LUZP2: variants seen among roughly 807,000 people sequenced by gnomAD.
The protein encoded by LUZP2 is leucine zipper protein 2.
In LUZP2, 52 loss-of-function variants were observed where a neutral mutation model predicts 51.6. That is an observed-to-expected ratio of 1.01 (90% CI 0.81 to 1.27). The LOEUF (loss-of-function observed/expected upper bound fraction) is 1.27, where lower values mean the gene tolerates loss of function less well. Among genes scored for constraint, LUZP2 ranks in the 50% most tolerant of loss-of-function variants. The pLI is 0.00. For missense variants in LUZP2, 436 were observed against 395.4 expected, an observed-to-expected ratio of 1.10 and a Z score of -0.87; for synonymous variants, 154 against 137.3, an observed-to-expected ratio of 1.12 and a Z score of -0.85.
intron 7 of LUZP2, among the ~76,000 whole-genome samples, chr11:24,974,637 T>A (rs1855835005): frequency 6.6e-6 from 1 of 152,112 alleles, no homozygotes; most frequent in South Asian, 2.1e-4. Flanking sequence ...TTTGGGTTTC[T>A]GTTTCACAAG....
chr11:24,542,710 A>G lies in LUZP2; in HGVS notation c.62+45405A>G, dbSNP rs1362306642. On this transcript the variant is annotated intron_variant, in intron 1 of 11. Coordinates refer to ENST00000336930, the MANE Select transcript of LUZP2 (RefSeq NM_001009909.4). The stretch of plus-strand genomic sequence containing the variant: ...TGGCAGTATGCTAGTTTGCTAGTTT[A>G]ACAATAAATGATAATCACTTTTATT... Among the ~76,000 whole-genome samples, 4 of 149,704 alleles carry G rather than the reference A, an allele frequency of 2.7e-5. No homozygotes were observed. The Admixed American group carries it at 2.7e-4, about 10-fold the overall frequency.
intron 4 of LUZP2, among the ~76,000 whole-genome samples, chr11:24,740,713 T>C (rs892870086): frequency 6.6e-6 from 1 of 152,156 alleles, no homozygotes; most frequent in Non-Finnish European, 1.5e-5. Flanking sequence ...TAGTTGATAG[T>C]AGACATTAAA....
chr11:24,802,367 A>G (rs745649904), intron 5 of LUZP2, among the ~76,000 whole-genome samples: 3 of 151,986 alleles, frequency 2.0e-5, no homozygotes, highest in Non-Finnish European at 2.9e-5. Flanking sequence ...AGATACTGCC[A>G]TGAAGAACAT....
At chr11:24,579,786 C>G (rs1163550109) in intron 1 of LUZP2, among the ~76,000 whole-genome samples, 1 of 152,018 alleles carries the variant, frequency 6.6e-6, no homozygotes, top group Non-Finnish European at 1.5e-5. Context: ...AAAAAATTAT[C>G]AAATCATACA....
chr11:25,001,882 C>T (rs530686572), intron 9 of LUZP2, among the ~76,000 whole-genome samples: 39 of 152,018 alleles, frequency 2.6e-4, no homozygotes, highest in Non-Finnish European at 5.1e-4. Context: ...TCTCTCTTTC[C>T]TTTCTGCTGC....
At chr11:24,661,521 G>C (rs1008452682) in intron 1 of LUZP2, among the ~76,000 whole-genome samples, 3 of 152,184 alleles carry the variant, frequency 2.0e-5, no homozygotes, top group African/African-American at 7.2e-5. Flanking sequence ...GGGCTGCAGA[G>C]TCAGCATGAA....
At chr11:24,918,775 T>G (rs9665801) in intron 7 of LUZP2, among the ~76,000 whole-genome samples, 85,202 of 147,818 alleles carry the variant, frequency 0.58, 25,066 homozygotes, top group East Asian at 0.83. Flanking sequence ...TTTCTGTCTA[T>G]TTCCCTTTGT....
chr11:24,692,988 G>C (rs148346879), intron 1 of LUZP2, among the ~76,000 whole-genome samples: 2,832 of 151,364 alleles, frequency 0.019, 98 homozygotes, highest in African/African-American at 0.065. Context: ...TTTCTCCCTA[G>C]ATTTTACAAA....
At chr11:24,970,972 A>G (rs1855721846) in intron 7 of LUZP2, among the ~76,000 whole-genome samples, 1 of 152,226 alleles carries the variant, frequency 6.6e-6, no homozygotes, top group South Asian at 2.1e-4. Flanking sequence ...AGCCATATAA[A>G]GAATGAAATT....
chr11:25,023,798 G>GC (rs1857409398), intron 9 of LUZP2, among the ~76,000 whole-genome samples: 1 of 152,112 alleles, frequency 6.6e-6, no homozygotes. Context: ...TCTACACACT[G>GC]CTTTAAATGT....
intron 1 of LUZP2, among the ~76,000 whole-genome samples, chr11:24,538,976 T>C (rs1242670852): frequency 6.6e-6 from 1 of 151,856 alleles, no homozygotes; most frequent in Admixed American, 6.6e-5. Context: ...AAAATGAATG[T>C]ATACAGTAGA....
chr11:24,732,250 T>C (rs762734706), intron 3 of LUZP2, 62 bp downstream of exon 3: 7 of 1,229,376 alleles, frequency 5.7e-6, no homozygotes, highest in Non-Finnish European at 6.9e-6. Context: ...TTCAGAAACT[T>C]CACAAAATTT....
At chr11:24,947,788 T>A (rs1314147009) in intron 7 of LUZP2, among the ~76,000 whole-genome samples, 1 of 151,860 alleles carries the variant, frequency 6.6e-6, no homozygotes, top group Non-Finnish European at 1.5e-5. Context: ...ACACACTACT[T>A]CTGCTCTCCA....
intron 1 of LUZP2, among the ~76,000 whole-genome samples, chr11:24,691,810 G>A (rs1232671427): frequency 6.6e-6 from 1 of 151,864 alleles, no homozygotes; most frequent in African/African-American, 2.4e-5. Flanking sequence ...AACTCTATGG[G>A]TGGCAACCTG....
At chr11:24,740,845 A>G (rs1859109510) in intron 4 of LUZP2, among the ~76,000 whole-genome samples, 1 of 152,080 alleles carries the variant, frequency 6.6e-6, no homozygotes, top group Non-Finnish European at 1.5e-5. Flanking sequence ...AAGTATGTCA[A>G]TGGTACTAAT....
At position 24,633,960 on chromosome 11, in the gene LUZP2, G is replaced by GTATA. The variant is rs766684338; in HGVS notation, c.63-95208_63-95207insATAT. Among the ~76,000 whole-genome samples, 45 of 135,724 alleles carry GTATA rather than the reference G, an allele frequency of 3.3e-4. 1 individual carries two copies. Among genetic ancestry groups the GTATA allele is most frequent in the Admixed American group, 7.9e-4 (10 of 12,622 alleles). 89.0% of individuals were successfully genotyped at this position (135,724 alleles called of 152,430 possible). Reference sequence around the variant, plus strand: ...CACACGTGTGTGTGTGTGTGTGTGTGTGTGTATATATAGTCTGTCTATTAA... The same window carrying GTATA: ...CACACGTGTGTGTGTGTGTGTGTGTGTATATGTGTATATATAGTCTGTCTATTAA... On this transcript the variant is annotated intron_variant, in intron 1 of 11. Coordinates refer to ENST00000336930, the MANE Select transcript of LUZP2 (RefSeq NM_001009909.4).
intron 9 of LUZP2, among the ~76,000 whole-genome samples, chr11:25,045,519 ATAAT>A (rs1340304537): frequency 1.3e-5 from 2 of 152,162 alleles, no homozygotes; most frequent in East Asian, 1.9e-4. Flanking sequence ...TGGATAGATG[ATAAT>A]TAATTTATTT....
chr11:24,939,154 CT>C (rs1402182438), intron 7 of LUZP2, among the ~76,000 whole-genome samples: 1 of 151,948 alleles, frequency 6.6e-6, no homozygotes, highest in African/African-American at 2.4e-5. Flanking sequence ...TCTCGGTTCT[CT>C]TTTAGTCATT....
intron 10 of LUZP2, among the ~76,000 whole-genome samples, chr11:25,069,831 T>C (rs930018383): frequency 6.6e-6 from 1 of 151,888 alleles, no homozygotes; most frequent in Admixed American, 6.6e-5. Context: ...TGCAGGAATT[T>C]CTTATTTTTT....
Sources: allele counts gnomAD v4.1 joint callset (sites outside exome capture counted in the v4.1 genomes callset), GRCh38; gene constraint gnomAD v4.1.1; transcripts MANE v1.5; gene names NCBI Gene and HGNC (gene_info 2026-07-23, HGNC 2026-07-21).